ENTREP2: variants seen among roughly 807,000 people sequenced by gnomAD.
ENTREP2 encodes the protein endosomal transmembrane epsin interactor 2.
chr15:29,530,656 G>A, the ENTREP2 span, among the ~76,000 whole-genome samples: 1 of 152,200 alleles, frequency 6.6e-6, no homozygotes, highest in Admixed American at 6.5e-5. Flanking sequence ...ATGGGTGGAG[G>A]TGCAAGCACC....
the ENTREP2 span, among the ~76,000 whole-genome samples, chr15:29,192,603 G>A: frequency 1.3e-5 from 2 of 152,162 alleles, no homozygotes; most frequent in African/African-American, 2.4e-5. Context: ...CAGCTCTAGT[G>A]GAAAAGGTGG....
the ENTREP2 span, among the ~76,000 whole-genome samples, chr15:29,552,585 A>G: frequency 1.3e-5 from 2 of 152,022 alleles, no homozygotes; most frequent in African/African-American, 4.8e-5. Context: ...AATAATAATA[A>G]CAAAAAACGA....
the ENTREP2 span, among the ~76,000 whole-genome samples, chr15:29,362,140 C>T: frequency 6.6e-6 from 1 of 152,086 alleles, no homozygotes; most frequent in Non-Finnish European, 1.5e-5. Context: ...TTCCACAGAC[C>T]TTACCACCCA....
At chr15:29,127,692 C>A in the ENTREP2 span, among the ~76,000 whole-genome samples, 3 of 152,112 alleles carry the variant, frequency 2.0e-5, no homozygotes, top group Non-Finnish European at 4.4e-5. Flanking sequence ...GTTCACCGCC[C>A]AGGTCCCAGG....
the ENTREP2 span, among the ~76,000 whole-genome samples, chr15:29,413,810 C>T: frequency 5.9e-5 from 9 of 152,024 alleles, no homozygotes; most frequent in Admixed American, 1.3e-4. Context: ...GAAGATCTAC[C>T]AAGCAAATGG....
At chr15:29,597,847 C>A in the ENTREP2 span, among the ~76,000 whole-genome samples, 20 of 152,164 alleles carry the variant, frequency 1.3e-4, no homozygotes, top group African/African-American at 4.3e-4. Flanking sequence ...TTAGGCTGGG[C>A]ACAGTGGCTC....
At chr15:29,313,967 G>C in the ENTREP2 span, among the ~76,000 whole-genome samples, 1 of 152,184 alleles carries the variant, frequency 6.6e-6, no homozygotes. Flanking sequence ...GTGACCTTGA[G>C]GTTTTCAAAA....
At chr15:29,664,781 C>A in the ENTREP2 span, among the ~76,000 whole-genome samples, 1 of 152,140 alleles carries the variant, frequency 6.6e-6, no homozygotes, top group Non-Finnish European at 1.5e-5. Flanking sequence ...ACTTATCTGG[C>A]CAAATTTGGC....
chr15:29,554,680 T>C, the ENTREP2 span, among the ~76,000 whole-genome samples: 1 of 152,276 alleles, frequency 6.6e-6, no homozygotes, highest in East Asian at 1.9e-4. Context: ...AAAGTGCTGC[T>C]TAAAATAGAG....
chr15:29,298,504 T>C, the ENTREP2 span, among the ~76,000 whole-genome samples: 1 of 152,088 alleles, frequency 6.6e-6, no homozygotes, highest in African/African-American at 2.4e-5. Flanking sequence ...CAGGCATAGA[T>C]AACTACTATC....
At chr15:29,466,916 T>A in the ENTREP2 span, among the ~76,000 whole-genome samples, 65 of 33,862 alleles carry the variant, frequency 1.9e-3, no homozygotes, top group African/African-American at 7.5e-3. Flanking sequence ...GCCCCCAGGG[T>A]AGGGCCCAGG....
At chr15:29,367,182 C>A in the ENTREP2 span, among the ~76,000 whole-genome samples, 5 of 152,230 alleles carry the variant, frequency 3.3e-5, no homozygotes, top group East Asian at 9.7e-4. Flanking sequence ...TTTTGGCTTG[C>A]CCTAGTCCCA....
At chr15:29,489,814 A>G in the ENTREP2 span, among the ~76,000 whole-genome samples, 1 of 152,142 alleles carries the variant, frequency 6.6e-6, no homozygotes, top group Non-Finnish European at 1.5e-5. Flanking sequence ...GCTCAGCTAC[A>G]CAACCACAGG....
the ENTREP2 span, among the ~76,000 whole-genome samples, chr15:29,142,568 C>T: frequency 6.6e-6 from 1 of 152,158 alleles, no homozygotes; most frequent in African/African-American, 2.4e-5. Flanking sequence ...CTGTGGCTCC[C>T]ATGGGGTGGT....
chr15:29,336,917 T>A, the ENTREP2 span, among the ~76,000 whole-genome samples: 41 of 152,130 alleles, frequency 2.7e-4, no homozygotes, highest in Non-Finnish European at 5.0e-4. Flanking sequence ...CTTCCGTCCA[T>A]GCTGTGTGCA....
At chr15:29,541,066 T>C in the ENTREP2 span, among the ~76,000 whole-genome samples, 1 of 152,338 alleles carries the variant, frequency 6.6e-6, no homozygotes, top group African/African-American at 2.4e-5. Context: ...GTCATCGCTA[T>C]GGCTCGGGGC....
the ENTREP2 span, among the ~76,000 whole-genome samples, chr15:29,549,327 T>C: frequency 6.6e-6 from 1 of 151,644 alleles, no homozygotes; most frequent in Non-Finnish European, 1.5e-5. Flanking sequence ...TGGAGTGCAG[T>C]GGTGTGATAT....
At chr15:29,643,659 G>A in the ENTREP2 span, among the ~76,000 whole-genome samples, 2 of 151,878 alleles carry the variant, frequency 1.3e-5, no homozygotes, top group Admixed American at 6.6e-5. Context: ...GTGAGCACCT[G>A]AGTCCCAGCT....
At chr15:29,480,338 CAAAAAAAAAAAAAAA>C in the ENTREP2 span, among the ~76,000 whole-genome samples, 6 of 29,430 alleles carry the variant, frequency 2.0e-4, no homozygotes, top group Admixed American at 6.8e-4. Flanking sequence ...TTCACTATAG[CAAAAAAAAAAAAAAA>C]AAAAAAAAAA....
Sources: gnomAD v4.1 joint callset for allele counts (sites outside exome capture counted in the v4.1 genomes callset) on GRCh38, gnomAD v4.1.1 for gene constraint, MANE v1.5 for transcripts, NCBI Gene and HGNC (gene_info 2026-07-23, HGNC 2026-07-21) for gene names.